The following TENM2 variants were observed in gnomAD, a reference collection of about 807,000 sequenced individuals.
TENM2 encodes the protein teneurin transmembrane protein 2.
A neutral mutation model predicts 245.2 loss-of-function variants in TENM2; 52 were observed. The ratio of observed to expected loss-of-function variants is 0.21; its 90% confidence interval spans 0.17 to 0.27. The LOEUF is 0.27. Ranked by LOEUF, TENM2 falls within the 10% of genes least tolerant of loss-of-function variation. The pLI, the probability that TENM2 is intolerant of heterozygous loss-of-function variation, is 1.00. For synonymous variants in TENM2, 1,363 were observed against 1,438.9 expected (o/e 0.95, Z 1.19); for missense variants, 3,046 against 3,666.8 (o/e 0.83, Z 4.37).
intron 5 of TENM2, among the ~76,000 whole-genome samples, chr5:168,043,538 C>A (rs1440291818): frequency 2.0e-5 from 3 of 152,162 alleles, no homozygotes; most frequent in Non-Finnish European, 4.4e-5. Context: ...TCAGAAAGGA[C>A]CTTAACCCAA....
rs1237389144 is a variant in TENM2, at chr5:167,895,830, T to G, written c.712+19635T>G. On this transcript the variant is annotated intron_variant, in intron 3 of 28. Transcript: ENST00000518659. ...TTAGAAGCTTAAGAAGCTGAAGACT[T>G]TTTCAATTAGTTTATACTGCCTTTG... Among the ~76,000 whole-genome samples, 16 of 152,200 alleles carry G rather than the reference T, an allele frequency of 1.1e-4. 1 individual carries two copies. The highest frequency in any genetic ancestry group is 1.0e-3 in the Admixed American group (16 of 15,284).
At chr5:167,829,943 C>T (rs1768321531) in intron 2 of TENM2, among the ~76,000 whole-genome samples, 1 of 152,220 alleles carries the variant, frequency 6.6e-6, no homozygotes, top group South Asian at 2.1e-4. Context: ...GCAGGTCCTT[C>T]AGCTCCTCAT....
At chr5:167,070,106 A>AGT in the TENM2 span, among the ~76,000 whole-genome samples, 1 of 84,614 alleles carries the variant, frequency 1.2e-5, no homozygotes, top group East Asian at 2.3e-4. Flanking sequence ...TCATTTGACA[A>AGT]ATATTTATTT....
At chr5:166,979,185 GCACCAC>G in the TENM2 span, among the ~76,000 whole-genome samples, 197 of 137,876 alleles carry the variant, frequency 1.4e-3, 2 homozygotes, top group African/African-American at 4.9e-3. Flanking sequence ...AGCAGCAGCA[GCACCAC>G]CACCAGCAGC....
At chr5:167,902,465 C>T (rs1023755799) in intron 3 of TENM2, among the ~76,000 whole-genome samples, 2 of 152,162 alleles carry the variant, frequency 1.3e-5, no homozygotes, top group Non-Finnish European at 2.9e-5. Flanking sequence ...AATCCAGCCT[C>T]CTCGGCCCCT....
At chr5:167,087,281 C>T in the TENM2 span, among the ~76,000 whole-genome samples, 1 of 152,166 alleles carries the variant, frequency 6.6e-6, no homozygotes, top group African/African-American at 2.4e-5. Flanking sequence ...ATGGCCTTTC[C>T]TTCTGTGCCA....
At chr5:167,263,196 G>A in the TENM2 span, among the ~76,000 whole-genome samples, 17,399 of 152,136 alleles carry the variant, frequency 0.11, 1,219 homozygotes, top group East Asian at 0.25. Context: ...ACTTGCTAGC[G>A]TGTATGAGCG....
chr5:167,029,769 CACTTGATCCTTAATGAATGTT>C, the TENM2 span, among the ~76,000 whole-genome samples: 1 of 152,196 alleles, frequency 6.6e-6, no homozygotes, highest in South Asian at 2.1e-4. Flanking sequence ...GCACACTTGA[CACTTGATCCTTAATGAATGTT>C]ACTTTATTAT....
At chr5:167,878,382 A>G (rs1773599715) in intron 3 of TENM2, among the ~76,000 whole-genome samples, 1 of 152,194 alleles carries the variant, frequency 6.6e-6, no homozygotes, top group East Asian at 1.9e-4. Flanking sequence ...CATCCCAAAC[A>G]GGAGCTGTGC....
the TENM2 span, among the ~76,000 whole-genome samples, chr5:167,141,737 A>C: frequency 6.6e-6 from 1 of 152,166 alleles, no homozygotes; most frequent in Admixed American, 6.5e-5. Flanking sequence ...TGGGTAGAGC[A>C]CTGGCTATTT....
chr5:168,081,117 G>C (rs1041365113), intron 7 of TENM2, among the ~76,000 whole-genome samples: 6 of 152,128 alleles, frequency 3.9e-5, no homozygotes, highest in African/African-American at 1.4e-4. Context: ...GGGTGCTCCT[G>C]TATTGGGTGC....
At chr5:168,019,883 ACTT>A (rs1453445960) in intron 5 of TENM2, among the ~76,000 whole-genome samples, 4 of 152,246 alleles carry the variant, frequency 2.6e-5, no homozygotes, top group African/African-American at 9.6e-5. Context: ...AAAAGCACCC[ACTT>A]CTTCTCTTCC....
chr5:167,978,653 A>G (rs951784240), intron 4 of TENM2, among the ~76,000 whole-genome samples: 7 of 151,720 alleles, frequency 4.6e-5, no homozygotes, highest in African/African-American at 1.7e-4. Context: ...TTACTGTTTA[A>G]TAGATTTTGG....
chr5:167,335,495 C>T (rs1345589455), intron 1 of TENM2, among the ~76,000 whole-genome samples: 2 of 152,270 alleles, frequency 1.3e-5, no homozygotes, highest in African/African-American at 2.4e-5. Flanking sequence ...GTTTTATAAA[C>T]ACACACCCCT....
rs148234343 is a variant in TENM2, at chr5:168,035,750, G to A, written c.1187-11677G>A. 4.2e-3 allele frequency among the ~76,000 whole-genome samples: 632 copies of A among 152,214 alleles called. 2 individuals carry two copies. Among genetic ancestry groups the A allele is most frequent in the African/African-American group, 0.014 (575 of 41,532 alleles). ...AGAAGAGAAGTGCCTCTGAGGTTTC[G>A]TCCTAACTACAGGACCTTGCTAGAG... On this transcript the variant is annotated intron_variant, in intron 5 of 28. Transcript: ENST00000518659.
intron 2 of TENM2, among the ~76,000 whole-genome samples, chr5:167,855,167 C>G (rs898149109): frequency 6.6e-6 from 1 of 152,140 alleles, no homozygotes; most frequent in Non-Finnish European, 1.5e-5. Context: ...CTAGAATATA[C>G]CAAATGTGCA....
chr5:167,279,554 CTTCCTTCCTTCCTTCT>C, the TENM2 span, among the ~76,000 whole-genome samples: 1 of 131,302 alleles, frequency 7.6e-6, no homozygotes, highest in Non-Finnish European at 1.6e-5. Flanking sequence ...TCCTTCCTTC[CTTCCTTCCTTCCTTCT>C]TTCTTCTGTT....
intron 2 of TENM2, among the ~76,000 whole-genome samples, chr5:167,406,633 A>G (rs1044023121): frequency 3.3e-5 from 5 of 152,174 alleles, no homozygotes; most frequent in Admixed American, 3.3e-4. Flanking sequence ...TGTGAACAAA[A>G]AAGCATTCTA....
the TENM2 span, among the ~76,000 whole-genome samples, chr5:167,270,791 G>A: frequency 6.6e-6 from 1 of 152,146 alleles, no homozygotes; most frequent in Non-Finnish European, 1.5e-5. Context: ...GGCAGGCCTT[G>A]GAGTTAGGCA....
Sources: allele counts gnomAD v4.1 joint callset (sites outside exome capture counted in the v4.1 genomes callset), GRCh38; gene constraint gnomAD v4.1.1; transcripts MANE v1.5; gene names NCBI Gene and HGNC (gene_info 2026-07-23, HGNC 2026-07-21).